Variants in POU2AF2 observed in about 807,000 individuals in gnomAD.
POU2AF2 encodes POU class 2 homeobox associating factor 2, also known as POU domain class 2-associating factor 2.
chr11:111,280,086 T>C, the POU2AF2 span, among the ~76,000 whole-genome samples: 1 of 127,428 alleles, frequency 7.8e-6, no homozygotes, highest in Non-Finnish European at 1.7e-5. Context: ...ATATATCTTT[T>C]GGAGGGGGCA....
At chr11:111,276,453 A>ATATAGATATATATATAT in the POU2AF2 span, among the ~76,000 whole-genome samples, 1 of 37,692 alleles carries the variant, frequency 2.7e-5, no homozygotes, top group Non-Finnish European at 5.0e-5. Flanking sequence ...AAAAAAAAAA[A>ATATAGATATATATATAT]ATATATATAT....
the POU2AF2 span, among the ~76,000 whole-genome samples, chr11:111,264,577 G>GAAGGAAA: frequency 2.2e-4 from 5 of 22,930 alleles, 1 homozygote; most frequent in Non-Finnish European, 3.6e-4. Flanking sequence ...AGAAAGAAAG[G>GAAGGAAA]GAGAGAGAAA....
the POU2AF2 span, among the ~76,000 whole-genome samples, chr11:111,271,612 G>T: frequency 6.6e-6 from 1 of 151,906 alleles, no homozygotes; most frequent in Non-Finnish European, 1.5e-5. Context: ...TTGTGGAGAT[G>T]GGGGTCTCAC....
the POU2AF2 span, among the ~76,000 whole-genome samples, chr11:111,250,693 AG>A: frequency 0.013 from 1,959 of 152,360 alleles, 36 homozygotes; most frequent in African/African-American, 0.044. Context: ...GAATAGAGTA[AG>A]GGGATCAGGA....
chr11:111,284,524 C>A, the POU2AF2 span: 1 of 999,388 alleles, frequency 1.0e-6, no homozygotes. Context: ...CTAGAGATGC[C>A]AGGACACCCT....
chr11:111,262,298 G>C, the POU2AF2 span, among the ~76,000 whole-genome samples: 6 of 152,230 alleles, frequency 3.9e-5, no homozygotes, highest in South Asian at 1.2e-3. Flanking sequence ...TTATGACATA[G>C]AGCAATTGCC....
the POU2AF2 span, among the ~76,000 whole-genome samples, chr11:111,263,783 T>C: frequency 6.6e-6 from 1 of 152,134 alleles, no homozygotes; most frequent in African/African-American, 2.4e-5. Context: ...GAGTTTGGGC[T>C]CTAGATCCAG....
chr11:111,256,017 A>G, the POU2AF2 span: 1 of 399,210 alleles, frequency 2.5e-6, no homozygotes, highest in Non-Finnish European at 4.4e-6. Flanking sequence ...TGTATCAAGG[A>G]GTGAGAGTGA....
At chr11:111,248,380 C>T in the POU2AF2 span, among the ~76,000 whole-genome samples, 6 of 152,138 alleles carry the variant, frequency 3.9e-5, no homozygotes, top group Non-Finnish European at 8.8e-5. Flanking sequence ...CAGACGCTGA[C>T]CCAACACACT....
chr11:111,247,903 G>T, the POU2AF2 span, among the ~76,000 whole-genome samples: 10 of 140,110 alleles, frequency 7.1e-5, no homozygotes, highest in Non-Finnish European at 1.1e-4. Flanking sequence ...TTTTTAGACG[G>T]AGTCTCGCTT....
chr11:111,264,410 C>T, the POU2AF2 span, among the ~76,000 whole-genome samples: 1 of 151,552 alleles, frequency 6.6e-6, no homozygotes, highest in Admixed American at 6.6e-5. Context: ...GCACAAGAAT[C>T]GCTTGAACCC....
chr11:111,265,018 G>GA, the POU2AF2 span, among the ~76,000 whole-genome samples: 1 of 152,060 alleles, frequency 6.6e-6, no homozygotes, highest in Non-Finnish European at 1.5e-5. Context: ...TTGGAGGAAA[G>GA]CATGCCACGA....
At chr11:111,280,620 T>C in the POU2AF2 span, among the ~76,000 whole-genome samples, 1 of 152,156 alleles carries the variant, frequency 6.6e-6, no homozygotes, top group Non-Finnish European at 1.5e-5. Flanking sequence ...AGTGATTGGA[T>C]CACCTGTCTC....
chr11:111,265,596 G>T, the POU2AF2 span, among the ~76,000 whole-genome samples: 3 of 152,166 alleles, frequency 2.0e-5, no homozygotes, highest in South Asian at 6.2e-4. Flanking sequence ...AAAGCACCTG[G>T]TATAGCATAT....
At chr11:111,252,935 G>A in the POU2AF2 span, among the ~76,000 whole-genome samples, 4 of 152,070 alleles carry the variant, frequency 2.6e-5, no homozygotes, top group South Asian at 6.2e-4. Flanking sequence ...CAGCCACCCC[G>A]CACTTCTGAG....
the POU2AF2 span, among the ~76,000 whole-genome samples, chr11:111,264,574 AAGGGAGAGAGAAAGAC>A: frequency 1.2e-4 from 3 of 24,552 alleles, no homozygotes; most frequent in Admixed American, 5.6e-4. Context: ...GAAAGAAAGA[AAGGGAGAGAGAAAGAC>A]AGAAAGAAGA....
At chr11:111,257,428 C>T in the POU2AF2 span, among the ~76,000 whole-genome samples, 1 of 150,526 alleles carries the variant, frequency 6.6e-6, no homozygotes, top group Non-Finnish European at 1.5e-5. Context: ...GGCGCAATCT[C>T]GGCTCACTGC....
At chr11:111,284,276 C>A in the POU2AF2 span, 1 of 1,614,054 alleles carries the variant, frequency 6.2e-7, no homozygotes, top group Non-Finnish European at 8.5e-7. Flanking sequence ...AGACTACCGG[C>A]CTCCGGCGCT....
chr11:111,279,230 C>T, the POU2AF2 span, among the ~76,000 whole-genome samples: 1 of 152,132 alleles, frequency 6.6e-6, no homozygotes, highest in Non-Finnish European at 1.5e-5. Flanking sequence ...TTCTTGACAC[C>T]AGTTTAGGTG....
Sources: gnomAD v4.1 joint callset for allele counts (sites outside exome capture counted in the v4.1 genomes callset) on GRCh38, gnomAD v4.1.1 for gene constraint, MANE v1.5 for transcripts, NCBI Gene and HGNC (gene_info 2026-07-23, HGNC 2026-07-21) for gene names.